Variants in ADAM17 observed in about 807,000 individuals in gnomAD.
ADAM17 encodes disintegrin and metalloproteinase domain-containing protein 17.
In ADAM17, 39 loss-of-function variants were observed where a neutral mutation model predicts 96.7. The observed-to-expected ratio is 0.40, with a 90% CI of 0.31 to 0.53. The LOEUF (loss-of-function observed/expected upper bound fraction) is 0.53. ADAM17 is among the 20% of genes least tolerant of loss of function. The probability of loss-of-function intolerance (pLI) is 0.44; values close to 1 mark genes in which losing one functional copy is unlikely to be tolerated. For missense variants in ADAM17, 777 were observed against 1,013.2 expected (o/e 0.77, Z 3.17); for synonymous variants, 344 against 359.2 (o/e 0.96, Z 0.48).
chr2:9,541,966 G>A (rs1339682461), intron 2 of ADAM17, among the ~76,000 whole-genome samples: 1 of 152,124 alleles, frequency 6.6e-6, no homozygotes, highest in East Asian at 1.9e-4. Context: ...CTTGAACCCA[G>A]GAGGCAGAGG....
At chr2:9,521,640 AG>A (rs1664314044) in intron 7 of ADAM17, 1 of 158,556 alleles carries the variant, frequency 6.3e-6, no homozygotes, top group African/African-American at 2.4e-5. Flanking sequence ...TCGACAACTC[AG>A]GAAAGAATAA....
Position 9,535,360 on chromosome 2 carries a change from G to C in ADAM17, c.450+474C>G, listed in dbSNP as rs182036631. On this transcript the variant is annotated intron_variant, in intron 4 of 18. Transcript: ENST00000310823. ...TAACCAATGCAGCCACTGTGGTCTT[G>C]ATTTCTATTGCTACTCTTTCAATGG... Among the ~76,000 whole-genome samples the C allele has an allele frequency of 3.4e-3, 517 of 152,314 alleles. 1 individual carries two copies. Among genetic ancestry groups the C allele is most frequent in the African/African-American group, 0.011 (478 of 41,570 alleles).
At chr2:9,493,135 C>T in intron 16 of ADAM17, 149 bp from the exon 17 acceptor site, 1 of 623,648 alleles carries the variant, frequency 1.6e-6, no homozygotes. Flanking sequence ...GCCTGTATTA[C>T]ACCACACCAT....
intron 8 of ADAM17, among the ~76,000 whole-genome samples, chr2:9,519,087 G>C (rs1355971134): frequency 3.3e-5 from 5 of 151,966 alleles, no homozygotes; most frequent in Admixed American, 3.3e-4. Flanking sequence ...TGTATTTTTT[G>C]TACAACATGT....
chr2:9,521,382 ATTATT>A (rs1234202134), intron 7 of ADAM17, 66 bp from the exon 8 acceptor site: 15 of 1,123,174 alleles, frequency 1.3e-5, no homozygotes, highest in Non-Finnish European at 1.9e-5. Context: ...TGAATACTGC[ATTATT>A]TTATCTGTTC....
chr2:9,493,908 A>G (rs950699636), intron 15 of ADAM17, 83 bp from the exon 16 acceptor site: 52 of 1,163,526 alleles, frequency 4.5e-5, no homozygotes, highest in Admixed American at 6.2e-5. Context: ...AATAACTGAC[A>G]TGTAAAGGGC....
chr2:9,511,148 G>A (rs1247463215), intron 10 of ADAM17, among the ~76,000 whole-genome samples: 1 of 151,932 alleles, frequency 6.6e-6, no homozygotes, highest in Non-Finnish European at 1.5e-5. Flanking sequence ...AAAAAAGCAA[G>A]GGGTAAAAAA....
Position 9,507,786 on chromosome 2 carries a change from C to T in ADAM17, c.1344+2193G>A, listed in dbSNP as rs965853755. 1.1e-4 allele frequency among the ~76,000 whole-genome samples: 17 copies of T among 152,204 alleles called. No homozygotes were observed. The South Asian group carries it at 3.5e-3, about 32-fold the overall frequency. ...CCAGGCTGGAGTGTAGTAGCACAACCTTGGCTCACTGCCGCCTTGAACTCC... is the reference window on the plus strand; with the variant it reads ...CCAGGCTGGAGTGTAGTAGCACAACTTTGGCTCACTGCCGCCTTGAACTCC... On this transcript the variant is annotated intron_variant, in intron 11 of 18. Coordinates refer to ENST00000310823, the MANE Select transcript of ADAM17 (RefSeq NM_003183.6).
intron 13 of ADAM17, among the ~76,000 whole-genome samples, chr2:9,501,909 T>C (rs1663028832): frequency 6.6e-6 from 1 of 151,974 alleles, no homozygotes; most frequent in Non-Finnish European, 1.5e-5. Flanking sequence ...TTCAAGGATA[T>C]ACACATATCC....
chr2:9,548,022 G>A (rs1009458296), intron 1 of ADAM17, among the ~76,000 whole-genome samples: 1 of 151,652 alleles, frequency 6.6e-6, no homozygotes, highest in Non-Finnish European at 1.5e-5. Flanking sequence ...AGCTGATATC[G>A]TGCCACTGCA....
intron 1 of ADAM17, among the ~76,000 whole-genome samples, chr2:9,546,296 C>T (rs1158441457): frequency 6.6e-6 from 1 of 152,140 alleles, no homozygotes; most frequent in Non-Finnish European, 1.5e-5. Context: ...CTTGCTAAAG[C>T]ACTTTAAAAT....
At chr2:9,511,591 T>C (rs370776807) in intron 10 of ADAM17, among the ~76,000 whole-genome samples, 2 of 152,370 alleles carry the variant, frequency 1.3e-5, no homozygotes, top group South Asian at 2.1e-4. Flanking sequence ...GTACTTAATC[T>C]ATCAGATTAT....
intron 1 of ADAM17, among the ~76,000 whole-genome samples, chr2:9,550,631 A>C (rs975675914): frequency 6.6e-6 from 1 of 151,476 alleles, no homozygotes; most frequent in Non-Finnish European, 1.5e-5. Flanking sequence ...TTTTTAGTAG[A>C]GACAGGTTTC....
At position 9,510,143 on chromosome 2, in the gene ADAM17, T is replaced by G; in HGVS notation, c.1192-12A>C. ...ACCAGGTCAGCTTCCTTAAGGATCA[T>G]GCAAAGAAAACATTATTTCTCAATA... is the stretch of plus-strand genomic sequence containing the variant. On this transcript the variant is annotated splice_polypyrimidine_tract_variant and intron_variant, in intron 10 of 18. Coordinates refer to ENST00000310823, the MANE Select transcript of ADAM17 (RefSeq NM_003183.6). The G allele has an allele frequency of 6.2e-7, 1 of 1,613,942 alleles. No homozygotes were observed. The highest frequency in any genetic ancestry group is 1.1e-5 in the South Asian group (1 of 91,070).
chr2:9,504,428 A>G (rs1482565263), intron 12 of ADAM17, among the ~76,000 whole-genome samples: 1 of 151,686 alleles, frequency 6.6e-6, no homozygotes, highest in Non-Finnish European at 1.5e-5. Flanking sequence ...CTGGCAACAG[A>G]GCGAGACGCC....
intron 13 of ADAM17, among the ~76,000 whole-genome samples, chr2:9,498,122 T>G (rs1662753694): frequency 6.6e-6 from 1 of 152,180 alleles, no homozygotes; most frequent in South Asian, 2.1e-4. Context: ...CTCAAACTCC[T>G]AGGTTCCGGC....
rs1163789110 is a variant in ADAM17 at position 9,537,509 on chromosome 2, G to A, written c.231-681C>T. On this transcript the variant is annotated intron_variant, in intron 2 of 18. Coordinates refer to ENST00000310823, the MANE Select transcript of ADAM17 (RefSeq NM_003183.6). ...AGCACTTTGGGAGGTTGAGCTGGGC[G>A]GATCACGAGGTCAGGAGATCGAGAC... Among the ~76,000 whole-genome samples, 6 of 152,100 alleles carry A rather than the reference G, an allele frequency of 3.9e-5. No homozygotes were observed. In the East Asian group the frequency reaches 7.7e-4, roughly 20 times the overall value.
intron 1 of ADAM17, among the ~76,000 whole-genome samples, chr2:9,551,082 A>T (rs1463563230): frequency 6.6e-6 from 1 of 151,928 alleles, no homozygotes; most frequent in African/African-American, 2.4e-5. Flanking sequence ...CAAAAAAAAA[A>T]AAAAGGTAAC....
chr2:9,507,800 G>A (rs1445175750), intron 11 of ADAM17, among the ~76,000 whole-genome samples: 5 of 151,952 alleles, frequency 3.3e-5, no homozygotes, highest in South Asian at 2.1e-4. Flanking sequence ...GCTCACTGCC[G>A]CCTTGAACTC....
Sources: allele counts gnomAD v4.1 joint callset (sites outside exome capture counted in the v4.1 genomes callset), GRCh38; gene constraint gnomAD v4.1.1; transcripts MANE v1.5; gene names NCBI Gene and HGNC (gene_info 2026-07-23, HGNC 2026-07-21).